Variants in MVB12B observed in about 807,000 individuals in gnomAD.
MVB12B encodes ESCRT-I complex subunit MVB12B.
MVB12B carries 16 observed loss-of-function variants against 41.6 expected under a neutral mutation model. That is an observed-to-expected ratio of 0.38 (90% CI 0.26 to 0.58). MVB12B has a LOEUF of 0.58. Ranked by LOEUF, MVB12B falls within the 20% of genes least tolerant of loss-of-function variation. MVB12B has a pLI of 0.62. For synonymous variants in MVB12B, 133 were observed against 139.7 expected (o/e 0.95, Z 0.34); for missense variants, 274 against 380.2 (o/e 0.72, Z 2.32).
intron 2 of MVB12B, among the ~76,000 whole-genome samples, chr9:126,346,149 A>G (rs1260015504): frequency 6.6e-6 from 1 of 152,160 alleles, no homozygotes; most frequent in Non-Finnish European, 1.5e-5. Flanking sequence ...GTGTTTTCCC[A>G]AGATCACTTG....
intron 1 of MVB12B, among the ~76,000 whole-genome samples, chr9:126,336,618 G>C (rs758907980): frequency 6.6e-6 from 1 of 152,234 alleles, no homozygotes; most frequent in Non-Finnish European, 1.5e-5. Context: ...TGGCTTTGTT[G>C]TGTGGTTTGC....
At chr9:126,375,321 A>G (rs750687494) in intron 2 of MVB12B, among the ~76,000 whole-genome samples, 2 of 147,460 alleles carry the variant, frequency 1.4e-5, no homozygotes, top group Non-Finnish European at 3.0e-5. Flanking sequence ...ATTGATTTTC[A>G]CAGTACGTTC....
chr9:126,483,787 A>G (rs866500734), intron 8 of MVB12B, among the ~76,000 whole-genome samples, 186 bp from the exon 9 acceptor site: 1 of 152,162 alleles, frequency 6.6e-6, no homozygotes, highest in Non-Finnish European at 1.5e-5. Context: ...AGCAGGCTCT[A>G]TCATCACTTC....
intron 9 of MVB12B, among the ~76,000 whole-genome samples, chr9:126,498,712 C>T (rs1833889889): frequency 6.6e-6 from 1 of 152,240 alleles, no homozygotes; most frequent in African/African-American, 2.4e-5. Context: ...TCTTGGGCTT[C>T]ACTTTCCTTC....
At chr9:126,484,453 G>A (rs1833591610) in intron 9 of MVB12B, among the ~76,000 whole-genome samples, 1 of 152,074 alleles carries the variant, frequency 6.6e-6, no homozygotes, top group Admixed American at 6.6e-5. Flanking sequence ...TTTAGGGGCA[G>A]GTCAGGGTAC....
intron 7 of MVB12B, among the ~76,000 whole-genome samples, chr9:126,446,169 G>A (rs1039798741): frequency 2.0e-5 from 3 of 151,642 alleles, no homozygotes; most frequent in South Asian, 2.1e-4. Flanking sequence ...ATAAATTCAG[G>A]CACTAATTTG....
At chr9:126,337,188 C>G (rs1369505379) in intron 1 of MVB12B, among the ~76,000 whole-genome samples, 1 of 152,092 alleles carries the variant, frequency 6.6e-6, no homozygotes, top group Non-Finnish European at 1.5e-5. Context: ...CCTGATTGGC[C>G]CTGCAACTTC....
In MVB12B at chr9:126,386,791, C is replaced by G; in HGVS notation, c.409+133C>G. ...CTTACTACATGCCCATGAACAAACC[C>G]TGCTGCTTTTGATGTGTGTCTGGCT... is the stretch of plus-strand genomic sequence containing the variant. On this transcript the variant is annotated intron_variant, in intron 4 of 9. Coordinates refer to ENST00000361171, the MANE Select transcript of MVB12B (RefSeq NM_033446.3). The surrounding 1 kb of genome is among the most constrained non-coding windows in gnomAD (Gnocchi z 4.3). 1.5e-6 allele frequency: 1 copy of G among 651,896 alleles called. No individual in the cohort carries two copies. The allele number at this position is 651,896 out of a possible 1,614,324, so 40.4% of individuals were successfully genotyped here.
In MVB12B at chr9:126,473,055, AAGCCAGGGTTAGGTGACC is replaced by A. The variant is rs1370802601; in HGVS notation, c.758-8309_758-8292del. Among the ~76,000 whole-genome samples the A allele has an allele frequency of 1.3e-4, 20 of 152,338 alleles. No homozygotes were observed. The highest frequency in any genetic ancestry group is 4.6e-4 in the African/African-American group (19 of 41,566). On this transcript the variant is annotated intron_variant, in intron 7 of 9. Coordinates refer to ENST00000361171, the MANE Select transcript of MVB12B (RefSeq NM_033446.3). This position sits in a 1 kb window ranked among gnomAD's most constrained non-coding sequence, Gnocchi z 4.0. ...AGCACATGGCTTTTGGTAAGAGCAG[AAGCCAGGGTTAGGTGACC>A]AGCCCTCCCTACGTGGTGGGTGCTT...
Position 126,391,254 on chromosome 9 carries a change from G to T in MVB12B, c.410-812G>T, listed in dbSNP as rs1483869370. On this transcript the variant is annotated intron_variant, in intron 4 of 9. Coordinates refer to ENST00000361171, the MANE Select transcript of MVB12B (RefSeq NM_033446.3). The surrounding 1 kb of genome is among the most constrained non-coding windows in gnomAD (Gnocchi z 4.4). ...GAGGCTTTAGCTCTGCCAGCCTACA[G>T]GAGGCACAGGGGAGTGACCCGATTT... Among the ~76,000 whole-genome samples the T allele has an allele frequency of 6.6e-6, 1 of 152,222 alleles. No homozygotes were observed. Among genetic ancestry groups the T allele is most frequent in the Non-Finnish European group, 1.5e-5 (1 of 68,046 alleles).
chr9:126,419,903 T>C (rs1831951004), intron 6 of MVB12B, among the ~76,000 whole-genome samples: 1 of 152,200 alleles, frequency 6.6e-6, no homozygotes. Context: ...ATTAATGCCA[T>C]GATGGGGGTT....
chr9:126,357,842 A>AT (rs912478164), intron 2 of MVB12B, among the ~76,000 whole-genome samples: 5 of 151,502 alleles, frequency 3.3e-5, no homozygotes, highest in Non-Finnish European at 7.4e-5. Context: ...AGTCTAGTTT[A>AT]TTTTTTTTCT....
chr9:126,483,611 G>C (rs1201646287), intron 8 of MVB12B, among the ~76,000 whole-genome samples: 1 of 152,174 alleles, frequency 6.6e-6, no homozygotes, highest in Non-Finnish European at 1.5e-5. Context: ...CAGCGAGAAA[G>C]AGCAAACCTT....
chr9:126,346,251 C>G (rs924420598), intron 2 of MVB12B, among the ~76,000 whole-genome samples: 1 of 152,148 alleles, frequency 6.6e-6, no homozygotes, highest in African/African-American at 2.4e-5. Flanking sequence ...AGAGCTAGAG[C>G]CTGCGCCAGG....
At chr9:126,402,037 G>A (rs1371641030) in intron 6 of MVB12B, among the ~76,000 whole-genome samples, 11 of 152,114 alleles carry the variant, frequency 7.2e-5, no homozygotes, top group Admixed American at 3.3e-4. Context: ...TCCTGTTGAG[G>A]TGTTTACCTA....
At chr9:126,501,586 G>C (rs12379124) in intron 9 of MVB12B, among the ~76,000 whole-genome samples, 15,399 of 152,260 alleles carry the variant, frequency 0.1, 976 homozygotes, top group African/African-American at 0.18. Context: ...CATGGACATA[G>C]TGCTGGGCTT....
chr9:126,438,076 G>A (rs990808276), intron 7 of MVB12B, among the ~76,000 whole-genome samples: 4 of 152,216 alleles, frequency 2.6e-5, no homozygotes, highest in African/African-American at 9.6e-5. Context: ...GAACATAGCT[G>A]TTATTTATGA....
chr9:126,452,624 G>T (rs1003896356), intron 7 of MVB12B, among the ~76,000 whole-genome samples: 1 of 152,208 alleles, frequency 6.6e-6, no homozygotes, highest in Non-Finnish European at 1.5e-5. Flanking sequence ...TAGTAAGTGA[G>T]AAAAGTGTGT....
intron 7 of MVB12B, among the ~76,000 whole-genome samples, chr9:126,453,197 G>C (rs150197691): frequency 6.6e-6 from 1 of 152,350 alleles, no homozygotes; most frequent in East Asian, 1.9e-4. Flanking sequence ...CGGGTTTTTA[G>C]TGAGCATCTA....
Sources: gnomAD v4.1 joint callset for allele counts (sites outside exome capture counted in the v4.1 genomes callset) on GRCh38, gnomAD v4.1.1 for gene constraint, Gnocchi (gnomAD v3.1) non-coding constraint, MANE v1.5 for transcripts, NCBI Gene and HGNC (gene_info 2026-07-23, HGNC 2026-07-21) for gene names.